Variants in SLC4A4 observed in about 807,000 individuals in gnomAD.
SLC4A4 encodes solute carrier family 4 member 4, also known as electrogenic sodium bicarbonate cotransporter 1.
A neutral mutation model predicts 111.5 loss-of-function variants in SLC4A4; 27 were observed. That is an observed-to-expected ratio of 0.24 (90% confidence interval 0.18 to 0.33). The LOEUF is 0.33. Ranked by LOEUF, SLC4A4 falls within the 10% of genes least tolerant of loss-of-function variation. The pLI is 1.00. For missense variants in SLC4A4, 909 were observed against 1,315.5 expected (o/e 0.69, Z 4.78); for synonymous variants, 443 against 463.4 (o/e 0.96, Z 0.57).
chr4:71,247,261 C>A (rs1720741712), intron 2 of SLC4A4, among the ~76,000 whole-genome samples: 1 of 147,468 alleles, frequency 6.8e-6, no homozygotes, highest in South Asian at 2.1e-4. Context: ...AAAATATGTT[C>A]ATCTACTAAT....
At chr4:71,382,087 A>G (rs1160835251) in intron 6 of SLC4A4, among the ~76,000 whole-genome samples, 1 of 152,092 alleles carries the variant, frequency 6.6e-6, no homozygotes, top group Non-Finnish European at 1.5e-5. Flanking sequence ...AGGAAAGTAG[A>G]CTTTGGGTGA....
intron 6 of SLC4A4, among the ~76,000 whole-genome samples, chr4:71,364,571 C>T (rs1731076733): frequency 6.6e-6 from 1 of 152,110 alleles, no homozygotes; most frequent in South Asian, 2.1e-4. Context: ...TCTATGGATC[C>T]TCGCAAGGTG....
At chr4:71,236,049 G>A in intron 1 of SLC4A4, 1 of 993,588 alleles carries the variant, frequency 1.0e-6, no homozygotes, top group African/African-American at 1.7e-5. Flanking sequence ...CTGGCTGGAA[G>A]CTAGGCTCCC....
intron 7 of SLC4A4, among the ~76,000 whole-genome samples, chr4:71,424,559 C>T (rs1387038630): frequency 2.0e-5 from 3 of 151,976 alleles, no homozygotes; most frequent in East Asian, 1.9e-4. Context: ...TATTGTGGCA[C>T]TATTCACAAT....
At chr4:71,343,435 G>A (rs561993643) in intron 4 of SLC4A4, among the ~76,000 whole-genome samples, 9 of 152,160 alleles carry the variant, frequency 5.9e-5, no homozygotes, top group Middle Eastern at 3.4e-3. Context: ...TCAACTAATC[G>A]GAGGGCTAAT....
At chr4:71,065,832 A>G (rs2148927912) in intron 1 of SLC4A4, among the ~76,000 whole-genome samples, 1 of 152,246 alleles carries the variant, frequency 6.6e-6, no homozygotes, top group South Asian at 2.1e-4. Flanking sequence ...AGGACCATAT[A>G]TACTTTTGCT....
intron 2 of SLC4A4, among the ~76,000 whole-genome samples, chr4:71,093,540 C>G (rs10005279): frequency 6.6e-6 from 1 of 152,104 alleles, no homozygotes; most frequent in Admixed American, 6.5e-5. Context: ...ATAGAAAAAC[C>G]TTTTTGTTCT....
intron 1 of SLC4A4, among the ~76,000 whole-genome samples, chr4:71,075,644 G>A (rs1285575379): frequency 1.3e-5 from 2 of 152,056 alleles, no homozygotes; most frequent in Non-Finnish European, 2.9e-5. Context: ...TCAGGTCTCC[G>A]CTCAAATGTC....
In SLC4A4 at chr4:71,270,036, A is replaced by C. The variant is rs552100608; in HGVS notation, c.253+14637A>C. Among the ~76,000 whole-genome samples the C allele has an allele frequency of 1.5e-3, 228 of 152,340 alleles. 1 individual carries two copies. Among genetic ancestry groups the C allele is most frequent in the Non-Finnish European group, 2.6e-3 (175 of 68,034 alleles). ...GTATATTAGTTATTATCATTAAGTA[A>C]CTTAATCACATTCACACATTAGCAA... On this transcript the variant is annotated intron_variant, in intron 3 of 25. Transcript: ENST00000264485.
intron 5 of SLC4A4, among the ~76,000 whole-genome samples, chr4:71,354,738 G>A (rs542712531): frequency 6.6e-6 from 1 of 152,232 alleles, no homozygotes; most frequent in East Asian, 1.9e-4. Flanking sequence ...GTGACATGGG[G>A]AAAGATCTAA....
At chr4:71,455,015 T>C (rs186598976) in intron 12 of SLC4A4, among the ~76,000 whole-genome samples, 3 of 152,304 alleles carry the variant, frequency 2.0e-5, no homozygotes, top group Admixed American at 2.0e-4. Flanking sequence ...AACTTGGGCT[T>C]TCTCACAGTG....
intron 6 of SLC4A4, among the ~76,000 whole-genome samples, chr4:71,392,838 A>G (rs1398458870): frequency 6.6e-6 from 1 of 152,114 alleles, no homozygotes; most frequent in African/African-American, 2.4e-5. Flanking sequence ...GTTTCATACC[A>G]GGGATGCAGG....
intron 2 of SLC4A4, among the ~76,000 whole-genome samples, chr4:71,169,589 T>C (rs1744881961): frequency 6.6e-6 from 1 of 152,244 alleles, no homozygotes; most frequent in South Asian, 2.1e-4. Context: ...GCTCCTTATA[T>C]ATTCTGGTTA....
intron 1 of SLC4A4, among the ~76,000 whole-genome samples, chr4:71,086,066 C>T (rs1456242885): frequency 2.6e-5 from 4 of 151,642 alleles, no homozygotes; most frequent in Non-Finnish European, 4.4e-5. Flanking sequence ...TGTTTGTATC[C>T]TCTTTTATTT....
intron 1 of SLC4A4, among the ~76,000 whole-genome samples, chr4:71,088,501 A>G (rs1028091916): frequency 6.6e-6 from 1 of 152,042 alleles, no homozygotes; most frequent in South Asian, 2.1e-4. Flanking sequence ...TCCTAGCCTT[A>G]ATGGTCTTTA....
intron 2 of SLC4A4, among the ~76,000 whole-genome samples, chr4:71,111,229 T>C (rs1355737027): frequency 2.0e-5 from 3 of 152,202 alleles, no homozygotes; most frequent in African/African-American, 7.2e-5. Flanking sequence ...CTCTCAGTAC[T>C]GAATAAACGT....
At chr4:71,380,317 A>G (rs1039659678) in intron 6 of SLC4A4, among the ~76,000 whole-genome samples, 1 of 152,218 alleles carries the variant, frequency 6.6e-6, no homozygotes, top group African/African-American at 2.4e-5. Flanking sequence ...TGAAGTAAGC[A>G]TCACTCACTC....
At chr4:71,354,401 T>C (rs945519025) in intron 5 of SLC4A4, among the ~76,000 whole-genome samples, 6 of 152,224 alleles carry the variant, frequency 3.9e-5, no homozygotes, top group Non-Finnish European at 7.3e-5. Context: ...CTAATGCATG[T>C]TCATTTTTAA....
At chr4:71,250,205 T>A (rs1268485221) in intron 2 of SLC4A4, among the ~76,000 whole-genome samples, 1 of 152,168 alleles carries the variant, frequency 6.6e-6, no homozygotes, top group Non-Finnish European at 1.5e-5. Flanking sequence ...AGCTACAACA[T>A]GTCTTGGGCA....
Sources: allele counts gnomAD v4.1 joint callset (sites outside exome capture counted in the v4.1 genomes callset), GRCh38; gene constraint gnomAD v4.1.1; transcripts MANE v1.5; gene names NCBI Gene and HGNC (gene_info 2026-07-23, HGNC 2026-07-21).